Variants in ART3 observed in about 807,000 individuals in gnomAD.
The protein encoded by ART3 is ecto-ADP-ribosyltransferase 3.
In ART3, 49 loss-of-function variants were observed where a neutral mutation model predicts 48.5. The ratio of observed to expected loss-of-function variants is 1.01; its 90% confidence interval spans 0.80 to 1.28. The LOEUF is 1.28. ART3 is among the 50% of genes most tolerant of loss of function. The pLI is 0.00. For missense variants in ART3, 438 were observed against 454.3 expected (o/e 0.96, Z 0.33); for synonymous variants, 145 against 157.2 (o/e 0.92, Z 0.58).
At position 76,081,909 on chromosome 4, in the gene ART3, T is replaced by A; in HGVS notation, c.155T>A (p.Val52Asp). The A allele has an allele frequency of 1.2e-6, 2 of 1,614,164 alleles. No homozygotes were observed. Among genetic ancestry groups the A allele is most frequent in the East Asian group, 2.2e-5 (1 of 44,884 alleles). Reference protein sequence around the residue: ...KCTDRMEIKYVPQLLKEEKAS... With the variant: ...KCTDRMEIKYDPQLLKEEKAS... ...ACGGACAGGATGGAAATTAAATACG[T>A]TCCCCAACTGCTAAAGGAGGAAAAA... is the stretch of plus-strand genomic sequence containing the variant. The change falls in exon 3 of 12, where the codon GTT becomes GAT. Residue 52 changes from valine (V) to aspartate (D), a missense_variant. This residue lies in a region of ART3 where 206 missense variants were observed against 205.3 expected (regional missense o/e 1.00). Transcript: ENST00000355810.
chr4:76,085,873 A>T (rs1723435328), intron 3 of ART3, among the ~76,000 whole-genome samples: 1 of 152,148 alleles, frequency 6.6e-6, no homozygotes, highest in Non-Finnish European at 1.5e-5. Context: ...GGAGTTCGAG[A>T]CCAGATTGGC....
intron 1 of ART3, among the ~76,000 whole-genome samples, chr4:76,016,730 C>G (rs1578188994): frequency 6.6e-6 from 1 of 152,164 alleles, no homozygotes; most frequent in Non-Finnish European, 1.5e-5. Flanking sequence ...AGTCAAAAAC[C>G]TTAGATATCT....
chr4:76,022,516 C>A, intron 1 of ART3: 1 of 1,536,306 alleles, frequency 6.5e-7, no homozygotes, highest in Non-Finnish European at 9.0e-7. Flanking sequence ...AAACAGATGG[C>A]ATACGCAGTT....
At chr4:76,033,254 A>G (rs4512021) in intron 1 of ART3, among the ~76,000 whole-genome samples, 92,993 of 152,056 alleles carry the variant, frequency 0.61, 29,510 homozygotes, top group East Asian at 0.94. Flanking sequence ...AGGACTAGCC[A>G]GAGTCATGCT....
chr4:76,064,016 A>G (rs1019563873), intron 1 of ART3, among the ~76,000 whole-genome samples: 1 of 152,196 alleles, frequency 6.6e-6, no homozygotes, highest in African/African-American at 2.4e-5. Context: ...TAGATGCAGT[A>G]GCATGAGACA....
At chr4:76,052,852 C>G (rs763813087) in intron 1 of ART3, among the ~76,000 whole-genome samples, 3 of 152,062 alleles carry the variant, frequency 2.0e-5, no homozygotes, top group Non-Finnish European at 2.9e-5. Context: ...CCTCAGCCTC[C>G]CAAGTTGCTA....
At chr4:76,047,615 A>T (rs1243687695) in intron 1 of ART3, among the ~76,000 whole-genome samples, 1 of 151,936 alleles carries the variant, frequency 6.6e-6, no homozygotes, top group Non-Finnish European at 1.5e-5. Flanking sequence ...ACAGGTCAAC[A>T]GATGTTTACG....
At chr4:76,035,925 A>T (rs1049144437) in intron 1 of ART3, 2 of 1,612,584 alleles carry the variant, frequency 1.2e-6, no homozygotes, top group Non-Finnish European at 1.7e-6. Flanking sequence ...ATTACTGCAT[A>T]CCTTGAACAA....
At chr4:76,036,089 T>C in intron 1 of ART3, 1 of 1,069,012 alleles carries the variant, frequency 9.4e-7, no homozygotes. Context: ...AAATTGATAA[T>C]TGGCATATAT....
chr4:76,100,537 A>C (rs1295708504), intron 6 of ART3, among the ~76,000 whole-genome samples: 1 of 151,670 alleles, frequency 6.6e-6, no homozygotes, highest in Non-Finnish European at 1.5e-5. Context: ...AGGCTGAGGC[A>C]GGAGAATCCC....
At chr4:76,023,256 C>G in intron 1 of ART3, 1 of 774,952 alleles carries the variant, frequency 1.3e-6, no homozygotes, top group Non-Finnish European at 2.2e-6. Flanking sequence ...TTATTTCCCT[C>G]TTATTTATAA....
At chr4:76,034,072 C>CACAA (rs1170293183) in intron 1 of ART3, 1 of 174,388 alleles carries the variant, frequency 5.7e-6, no homozygotes, top group African/African-American at 2.4e-5. Flanking sequence ...GAAATATGTG[C>CACAA]ACTTTTGCCA....
At chr4:76,087,575 T>A (rs1723887609) in intron 3 of ART3, among the ~76,000 whole-genome samples, 2 of 152,098 alleles carry the variant, frequency 1.3e-5, no homozygotes, top group Admixed American at 6.5e-5. Flanking sequence ...GTAAAAAAAA[T>A]TTTTACTGCG....
chr4:76,079,470 T>C (rs570332973), intron 2 of ART3, among the ~76,000 whole-genome samples: 1 of 152,288 alleles, frequency 6.6e-6, no homozygotes, highest in African/African-American at 2.4e-5. Flanking sequence ...GGCAGATAAA[T>C]TTGATATATA....
chr4:76,106,229 T>C (rs530317979), intron 10 of ART3: 104 of 985,430 alleles, frequency 1.1e-4, no homozygotes, highest in Non-Finnish European at 1.2e-4. Flanking sequence ...GATTTAGTTA[T>C]CCACTTCTAT....
intron 1 of ART3, among the ~76,000 whole-genome samples, chr4:76,038,506 T>C (rs924263703): frequency 6.6e-6 from 1 of 152,132 alleles, no homozygotes; most frequent in Non-Finnish European, 1.5e-5. Flanking sequence ...ATTTAACATA[T>C]GTAAAGAAAG....
At chr4:76,083,258 C>T (rs1722870441) in intron 3 of ART3, among the ~76,000 whole-genome samples, 1 of 152,178 alleles carries the variant, frequency 6.6e-6, no homozygotes, top group Non-Finnish European at 1.5e-5. Flanking sequence ...TTCCACTCCT[C>T]AGTGGCATCC....
chr4:76,038,624 T>C (rs373863306), intron 1 of ART3, among the ~76,000 whole-genome samples: 25 of 152,196 alleles, frequency 1.6e-4, no homozygotes, highest in African/African-American at 5.8e-4. Flanking sequence ...TTTCTCAGCA[T>C]TAGAAACACA....
chr4:76,100,838 T>C lies in ART3; in HGVS notation c.907+14T>C. ...TTGAAGACCATGGTAAGACATTTTT[T>C]ATAAATTCTGGGGGCTTACATTTTA... On this transcript the variant is annotated intron_variant, in intron 7 of 11. Transcript: ENST00000355810. The C allele has an allele frequency of 1.9e-6, 3 of 1,608,196 alleles. No homozygotes were observed. Among genetic ancestry groups the C allele is most frequent in the Non-Finnish European group, 2.5e-6 (3 of 1,178,564 alleles).
Sources: allele counts gnomAD v4.1 joint callset (sites outside exome capture counted in the v4.1 genomes callset), GRCh38; gene constraint gnomAD v4.1.1; regional missense constraint gnomAD v4.1.1; transcripts MANE v1.5; gene names NCBI Gene and HGNC (gene_info 2026-07-23, HGNC 2026-07-21).